The following FGGY variants were observed in gnomAD, a reference collection of about 807,000 sequenced individuals.
FGGY encodes the protein FGGY carbohydrate kinase domain containing.
A neutral mutation model predicts 71.3 loss-of-function variants in FGGY; 72 were observed. The observed-to-expected ratio is 1.01, with a 90% confidence interval of 0.84 to 1.23. FGGY has a LOEUF of 1.23. FGGY is among the 50% of genes most tolerant of loss of function. The pLI, the probability that FGGY is intolerant of heterozygous loss-of-function variation, is 0.00. For missense variants in FGGY, 668 were observed against 682.3 expected (o/e 0.98, Z 0.23); for synonymous variants, 251 against 250.3 (o/e 1.00, Z -0.02).
intron 3 of FGGY, among the ~76,000 whole-genome samples, chr1:59,345,217 G>T (rs1439223044): frequency 6.6e-6 from 1 of 152,132 alleles, no homozygotes; most frequent in Non-Finnish European, 1.5e-5. Flanking sequence ...GTAGTGCTGC[G>T]GTTACTTTGC....
chr1:59,685,974 C>A (rs1164983866), intron 14 of FGGY, among the ~76,000 whole-genome samples: 1 of 152,148 alleles, frequency 6.6e-6, no homozygotes, highest in African/African-American at 2.4e-5. Context: ...CACATTTTTC[C>A]TTATACCAAA....
intron 9 of FGGY, among the ~76,000 whole-genome samples, chr1:59,610,953 T>C (rs12059940): frequency 0.12 from 17,663 of 152,214 alleles, 2,346 homozygotes; most frequent in African/African-American, 0.33. Context: ...AAGGCAGCAG[T>C]GAGGCTGGGG....
At chr1:59,321,783 A>T (rs773076423) in intron 2 of FGGY, 33 bp downstream of exon 2, 61 of 1,585,532 alleles carry the variant, frequency 3.8e-5, no homozygotes, top group Non-Finnish European at 4.6e-5. Flanking sequence ...CTCCTTGTTC[A>T]TATTCCTACC....
intron 3 of FGGY, among the ~76,000 whole-genome samples, chr1:59,345,344 A>G (rs923528046): frequency 1.3e-5 from 2 of 152,182 alleles, no homozygotes; most frequent in Middle Eastern, 3.2e-3. Flanking sequence ...AACTTTTGCC[A>G]TCAGAGGCAT....
intron 14 of FGGY, among the ~76,000 whole-genome samples, chr1:59,727,768 A>G (rs1265673831): frequency 1.3e-5 from 2 of 152,162 alleles, no homozygotes; most frequent in South Asian, 2.1e-4. Flanking sequence ...GAACAAGGCC[A>G]GAGGTATCAC....
chr1:59,701,114 G>A (rs1459089053), intron 14 of FGGY, among the ~76,000 whole-genome samples: 3 of 152,180 alleles, frequency 2.0e-5, no homozygotes, highest in Admixed American at 2.0e-4. Flanking sequence ...GTCATCCACT[G>A]GGAGTGCTGG....
chr1:59,516,203 C>G (rs1431905324), intron 7 of FGGY, among the ~76,000 whole-genome samples: 1 of 152,142 alleles, frequency 6.6e-6, no homozygotes, highest in Non-Finnish European at 1.5e-5. Flanking sequence ...TTCATTTCTA[C>G]CTTTCCTATA....
intron 6 of FGGY, among the ~76,000 whole-genome samples, chr1:59,477,886 A>G (rs1455554077): frequency 1.3e-5 from 2 of 152,124 alleles, no homozygotes; most frequent in Non-Finnish European, 2.9e-5. Flanking sequence ...TCTGTTATGG[A>G]TATTGTATGT....
intron 8 of FGGY, among the ~76,000 whole-genome samples, chr1:59,586,025 G>T (rs1355526575): frequency 6.6e-6 from 1 of 152,222 alleles, no homozygotes; most frequent in African/African-American, 2.4e-5. Flanking sequence ...TGCTGGAGAG[G>T]ATGTGGAGAA....
At chr1:59,499,908 T>C (rs2094171345) in intron 6 of FGGY, among the ~76,000 whole-genome samples, 1 of 152,150 alleles carries the variant, frequency 6.6e-6, no homozygotes, top group Non-Finnish European at 1.5e-5. Flanking sequence ...TTTATTCATG[T>C]ATATATATGT....
At chr1:59,317,021 G>A (rs1355611377) in intron 1 of FGGY, among the ~76,000 whole-genome samples, 1 of 152,082 alleles carries the variant, frequency 6.6e-6, no homozygotes, top group African/African-American at 2.4e-5. Context: ...TCAAACCCCA[G>A]CCCCTGTGCT....
intron 6 of FGGY, among the ~76,000 whole-genome samples, chr1:59,509,339 C>G (rs1558166021): frequency 6.6e-6 from 1 of 152,170 alleles, no homozygotes. Context: ...AATAGATTCA[C>G]ACTATTTTCC....
intron 14 of FGGY, among the ~76,000 whole-genome samples, chr1:59,675,003 T>C (rs1415056804): frequency 6.6e-6 from 1 of 152,216 alleles, no homozygotes; most frequent in Non-Finnish European, 1.5e-5. Context: ...CATCGTGAGT[T>C]CTGTGTGTCA....
intron 14 of FGGY, among the ~76,000 whole-genome samples, chr1:59,714,793 A>G (rs2097830370): frequency 6.6e-6 from 1 of 152,212 alleles, no homozygotes. Context: ...GAGAGTTTTG[A>G]AAGTTACAAA....
intron 4 of FGGY, among the ~76,000 whole-genome samples, chr1:59,347,072 CT>C (rs200501837): frequency 2.8e-5 from 4 of 141,612 alleles, no homozygotes; most frequent in South Asian, 2.3e-4. Flanking sequence ...GCCTTTATGC[CT>C]TTTTTTTCCT....
chr1:59,668,260 C>T (rs2097343296), intron 13 of FGGY, among the ~76,000 whole-genome samples: 1 of 152,136 alleles, frequency 6.6e-6, no homozygotes. Context: ...GATACCCTCA[C>T]CCCTTTTACT....
chr1:59,699,794 C>T (rs1287375227), intron 14 of FGGY, among the ~76,000 whole-genome samples: 1 of 152,216 alleles, frequency 6.6e-6, no homozygotes, highest in East Asian at 1.9e-4. Flanking sequence ...TTGTAACAGG[C>T]ATGTCCCGCG....
chr1:59,603,309 T>C (rs2096595072), intron 8 of FGGY, among the ~76,000 whole-genome samples: 1 of 152,222 alleles, frequency 6.6e-6, no homozygotes. Flanking sequence ...TCTGAAAATA[T>C]AAGCTTTTCT....
chr1:59,601,337 G>A (rs560760794), intron 8 of FGGY, among the ~76,000 whole-genome samples: 6 of 152,322 alleles, frequency 3.9e-5, no homozygotes, highest in Admixed American at 3.3e-4. Flanking sequence ...CAGAAGAGGT[G>A]TGAGCAGGCT....
Sources: gnomAD v4.1 joint callset for allele counts (sites outside exome capture counted in the v4.1 genomes callset) on GRCh38, gnomAD v4.1.1 for gene constraint, MANE v1.5 for transcripts, NCBI Gene and HGNC (gene_info 2026-07-23, HGNC 2026-07-21) for gene names.